The following MAGI3 variants were observed in gnomAD, a reference collection of about 807,000 sequenced individuals.
MAGI3 encodes membrane associated guanylate kinase, WW and PDZ domain containing 3.
In MAGI3, 43 loss-of-function variants were observed where a neutral mutation model predicts 121.8. The observed-to-expected ratio is 0.35, with a 90% CI of 0.28 to 0.46. The LOEUF is 0.46. Among genes scored for constraint, MAGI3 ranks in the 20% least tolerant of loss-of-function variants. MAGI3 has a pLI of 1.00. For missense variants in MAGI3, 1,547 were observed against 1,797.3 expected (o/e 0.86, Z 2.52); for synonymous variants, 553 against 639.3 (o/e 0.86, Z 2.04).
At chr1:113,612,164 G>A (rs900314331) in intron 6 of MAGI3, among the ~76,000 whole-genome samples, 2 of 151,886 alleles carry the variant, frequency 1.3e-5, no homozygotes, top group Non-Finnish European at 2.9e-5. Context: ...GGATGGTCTC[G>A]ATCTCTTGAC....
At chr1:113,660,017 T>G (rs1653695290) in intron 16 of MAGI3, among the ~76,000 whole-genome samples, 1 of 152,226 alleles carries the variant, frequency 6.6e-6, no homozygotes. Context: ...TAATGTGTAT[T>G]CATGTTCCAT....
At chr1:113,397,049 AG>A (rs905589817) in intron 1 of MAGI3, among the ~76,000 whole-genome samples, 3 of 152,188 alleles carry the variant, frequency 2.0e-5, no homozygotes, top group African/African-American at 7.2e-5. Context: ...CTTTTCAAAA[AG>A]CCCTTAAATT....
intron 6 of MAGI3, 83 bp downstream of exon 6, chr1:113,594,643 A>C (rs1648887191): frequency 4.3e-6 from 5 of 1,152,740 alleles, no homozygotes; most frequent in Non-Finnish European, 4.9e-6. Context: ...GGTTTTTCAA[A>C]ACCCTAAACA....
intron 16 of MAGI3, among the ~76,000 whole-genome samples, chr1:113,666,336 G>A (rs891782649): frequency 3.9e-5 from 6 of 152,182 alleles, no homozygotes; most frequent in Non-Finnish European, 7.3e-5. Flanking sequence ...CTCAAACTTT[G>A]CCTCTACTTT....
rs940802854 is a variant in MAGI3 at position 113,627,811 on chromosome 1, T to C, written c.1360+4817T>C. 3.3e-5 allele frequency among the ~76,000 whole-genome samples: 5 copies of C among 152,076 alleles called. No individual in the cohort carries two copies. In the East Asian group the frequency reaches 5.8e-4, roughly 18 times the overall value. Reference sequence around the variant, plus strand: ...TTCTTGCAGTTTTTGTCTTATAATCTATTTTGTCTGATATAAATGTAGCTA... The same window carrying C: ...TTCTTGCAGTTTTTGTCTTATAATCCATTTTGTCTGATATAAATGTAGCTA... On this transcript the variant is annotated intron_variant, in intron 9 of 20. Transcript: ENST00000307546.
intron 2 of MAGI3, 114 bp downstream of exon 2, chr1:113,549,745 G>A: frequency 1.8e-6 from 1 of 548,076 alleles, no homozygotes; most frequent in East Asian, 3.1e-5. Flanking sequence ...GACTAAGTTG[G>A]GAACAAGAAT....
At chr1:113,631,413 G>T (rs147272384) in intron 9 of MAGI3, among the ~76,000 whole-genome samples, 2 of 152,228 alleles carry the variant, frequency 1.3e-5, no homozygotes, top group Admixed American at 6.5e-5. Context: ...TCTGCCCTCC[G>T]TCACCATCTA....
chr1:113,516,988 T>A (rs1306798393), intron 1 of MAGI3, among the ~76,000 whole-genome samples: 1 of 151,974 alleles, frequency 6.6e-6, no homozygotes, highest in Non-Finnish European at 1.5e-5. Flanking sequence ...GAATACCTGT[T>A]TACTACTCCT....
In MAGI3 at chr1:113,643,676, A is replaced by T. The variant is rs370501669; in HGVS notation, c.1967-67A>T. Reference sequence around the variant, plus strand: ...AGTTGAAGCTAGTTTTATCGTAAACATTAGCAGTATTTGTGATCTGGGAAT... The same window carrying T: ...AGTTGAAGCTAGTTTTATCGTAAACTTTAGCAGTATTTGTGATCTGGGAAT... On this transcript the variant is annotated intron_variant, in intron 10 of 20. Transcript: ENST00000307546. 5 of 1,449,054 alleles carry T rather than the reference A, an allele frequency of 3.5e-6. No homozygotes were observed. In the Admixed American group the frequency reaches 6.7e-5, roughly 19 times the overall value. 89.8% of individuals were successfully genotyped at this position (1,449,054 alleles called of 1,614,324 possible).
intron 2 of MAGI3, among the ~76,000 whole-genome samples, chr1:113,550,971 A>G (rs1024493073): frequency 7.4e-6 from 1 of 134,660 alleles, no homozygotes; most frequent in African/African-American, 2.8e-5. Flanking sequence ...AAAAAAAAAA[A>G]GAAGAAGAAG....
intron 1 of MAGI3, among the ~76,000 whole-genome samples, chr1:113,448,935 A>G (rs1654318347): frequency 6.6e-6 from 1 of 152,164 alleles, no homozygotes; most frequent in African/African-American, 2.4e-5. Flanking sequence ...CCTGACCAAC[A>G]TAGAGAAACC....
intron 1 of MAGI3, among the ~76,000 whole-genome samples, chr1:113,521,628 G>A (rs933836862): frequency 4.6e-5 from 7 of 151,540 alleles, no homozygotes; most frequent in South Asian, 2.1e-4. Flanking sequence ...GGATGGTCTC[G>A]ATCTCCTGAC....
chr1:113,558,912 A>G (rs1660104483), intron 2 of MAGI3, among the ~76,000 whole-genome samples: 1 of 152,194 alleles, frequency 6.6e-6, no homozygotes, highest in African/African-American at 2.4e-5. Context: ...GCCAGTAGTC[A>G]ACATTACCAA....
At chr1:113,509,976 G>A (rs186467801) in intron 1 of MAGI3, among the ~76,000 whole-genome samples, 93 of 152,102 alleles carry the variant, frequency 6.1e-4, no homozygotes, top group African/African-American at 1.9e-3. Context: ...CAGAGCATCC[G>A]TCTCATCGGA....
chr1:113,429,293 A>C (rs928332112), intron 1 of MAGI3, among the ~76,000 whole-genome samples: 1 of 152,214 alleles, frequency 6.6e-6, no homozygotes, highest in African/African-American at 2.4e-5. Flanking sequence ...TTACCAGTGG[A>C]GGGTGCCCAG....
intron 2 of MAGI3, among the ~76,000 whole-genome samples, chr1:113,567,665 A>G (rs913026035): frequency 6.6e-6 from 1 of 152,094 alleles, no homozygotes; most frequent in Non-Finnish European, 1.5e-5. Flanking sequence ...ACAGAAAAGC[A>G]AAATTCAGTA....
chr1:113,591,921 G>A (rs1648714529), intron 5 of MAGI3, among the ~76,000 whole-genome samples: 1 of 152,044 alleles, frequency 6.6e-6, no homozygotes, highest in Non-Finnish European at 1.5e-5. Flanking sequence ...TATTTTTATA[G>A]TTTAATATAT....
chr1:113,494,509 A>T (rs922707688), intron 1 of MAGI3, among the ~76,000 whole-genome samples: 4 of 152,300 alleles, frequency 2.6e-5, no homozygotes, highest in South Asian at 4.1e-4. Flanking sequence ...TAAATTTTTT[A>T]AAAGTTTATT....
At position 113,684,050 on chromosome 1, in the gene MAGI3, C is replaced by T; in HGVS notation, c.*36C>T. 6 of 1,453,926 alleles carry T rather than the reference C, an allele frequency of 4.1e-6. No individual in the cohort carries two copies. In the South Asian group the frequency reaches 4.7e-5, roughly 11 times the overall value. 90.1% of individuals were successfully genotyped at this position (1,453,926 alleles called of 1,614,324 possible). ...AAAACAAAGAAAAACAAGTTGTAAT[C>T]TTTTCTTACAGCAGCATTTTTCCAG... On this transcript the variant is annotated 3_prime_UTR_variant, in exon 21 of 21. Coordinates refer to ENST00000307546, the MANE Select transcript of MAGI3 (RefSeq NM_001142782.2).
Sources: allele counts gnomAD v4.1 joint callset (sites outside exome capture counted in the v4.1 genomes callset), GRCh38; gene constraint gnomAD v4.1.1; transcripts MANE v1.5; gene names NCBI Gene and HGNC (gene_info 2026-07-23, HGNC 2026-07-21).